Variants in UBE2J2 observed in about 807,000 individuals in gnomAD.
The protein encoded by UBE2J2 is ubiquitin-conjugating enzyme E2 J2.
A neutral mutation model predicts 28.6 loss-of-function variants in UBE2J2; 5 were observed. The observed-to-expected ratio is 0.17, with a 90% CI of 0.09 to 0.37. UBE2J2 has a LOEUF of 0.37. UBE2J2 is among the 10% of genes least tolerant of loss of function. The pLI is 1.00. For missense variants in UBE2J2, 226 were observed against 338.9 expected, an observed-to-expected ratio of 0.67 and a Z score of 2.62; for synonymous variants, 138 against 139.7, an observed-to-expected ratio of 0.99 and a Z score of 0.09.
chr1:1,263,715 A>T (rs1639689628), intron 2 of UBE2J2: 1 of 246,690 alleles, frequency 4.1e-6, no homozygotes, highest in Admixed American at 4.8e-5. Context: ...ACAGTACATT[A>T]CTAAGATGTA....
chr1:1,270,262 C>A (rs1398545825), intron 1 of UBE2J2, among the ~76,000 whole-genome samples: 1 of 152,190 alleles, frequency 6.6e-6, no homozygotes, highest in Non-Finnish European at 1.5e-5. Context: ...CTGTAGACAG[C>A]CACACATTCC....
intron 3 of UBE2J2, among the ~76,000 whole-genome samples, chr1:1,260,124 A>C (rs1324192287): frequency 1.3e-5 from 2 of 152,210 alleles, no homozygotes; most frequent in Non-Finnish European, 2.9e-5. Context: ...ACACGCAGGA[A>C]CAGGGGTGGA....
chr1:1,256,422 C>A, intron 5 of UBE2J2: 1 of 327,944 alleles, frequency 3.0e-6, no homozygotes, highest in Non-Finnish European at 5.7e-6. Flanking sequence ...CGCCTTGGCC[C>A]ACCCCAAGAT....
chr1:1,268,478 C>A lies in UBE2J2; in HGVS notation c.1-486G>T, dbSNP rs1639989376. Among the ~76,000 whole-genome samples, 1 of 152,124 alleles carries A rather than the reference C, an allele frequency of 6.6e-6. No homozygotes were observed. Among genetic ancestry groups the A allele is most frequent in the African/African-American group, 2.4e-5 (1 of 41,424 alleles). ...CCCGCTGCCCAGCATTTACCACTAG[C>A]CACAAGCAAAACGAGCCGCAGAACG... is the stretch of plus-strand genomic sequence containing the variant. On this transcript the variant is annotated intron_variant, in intron 1 of 6. Transcript: ENST00000349431. The surrounding 1 kb of genome is among the most constrained non-coding windows in gnomAD (Gnocchi z 4.7).
chr1:1,265,073 G>A (rs983087595), intron 2 of UBE2J2, among the ~76,000 whole-genome samples: 2 of 152,178 alleles, frequency 1.3e-5, no homozygotes, highest in African/African-American at 4.8e-5. Context: ...GTGGCCTTAC[G>A]TTGTTACTGT....
Position 1,254,113 on chromosome 1 carries a change from T to G in UBE2J2, c.*1090A>C, listed in dbSNP as rs1557543105. The G allele has an allele frequency of 1.3e-5, 2 of 152,166 alleles. No homozygotes were observed. The highest frequency in any genetic ancestry group is 2.9e-5 in the Non-Finnish European group (2 of 68,030). The allele number at this position is 152,166 out of a possible 1,614,324, so 9.4% of individuals were successfully genotyped here. On this transcript the variant is annotated 3_prime_UTR_variant, in exon 7 of 7. Coordinates refer to ENST00000349431, the MANE Select transcript of UBE2J2 (RefSeq NM_058167.3). Reference sequence around the variant, plus strand: ...GCGGCCGTGCCCCACCTCGACGCGATGCACCTGCGGTACATCCCACCCAGG... The same window carrying G: ...GCGGCCGTGCCCCACCTCGACGCGAGGCACCTGCGGTACATCCCACCCAGG...
chr1:1,261,587 AAAAC>A (rs1186866408), intron 3 of UBE2J2, among the ~76,000 whole-genome samples: 4 of 152,240 alleles, frequency 2.6e-5, no homozygotes, highest in African/African-American at 4.8e-5. Flanking sequence ...CTAAAACCAC[AAAAC>A]AAACAAAAAA....
chr1:1,256,745 G>C (rs1456125544), intron 5 of UBE2J2, among the ~76,000 whole-genome samples: 3 of 152,054 alleles, frequency 2.0e-5, no homozygotes, highest in Non-Finnish European at 4.4e-5. Flanking sequence ...AATTAGCCGG[G>C]CGTGGTGGCG....
At chr1:1,257,469 C>A (rs1012078557) in intron 3 of UBE2J2, among the ~76,000 whole-genome samples, 159 bp from the exon 4 acceptor site, 2 of 145,896 alleles carry the variant, frequency 1.4e-5, no homozygotes, top group Middle Eastern at 3.2e-3. Context: ...CAGGCTCAGT[C>A]CCCCACTGAC....
chr1:1,255,571 TCCA>T (rs1639126292), intron 6 of UBE2J2, 84 bp from the exon 7 acceptor site: 1 of 1,464,940 alleles, frequency 6.8e-7, no homozygotes, highest in Non-Finnish European at 9.2e-7. Flanking sequence ...GAGTCCACGG[TCCA>T]CCACCAAGAA....
intron 3 of UBE2J2, among the ~76,000 whole-genome samples, chr1:1,257,891 C>T (rs141136665): frequency 1.8e-4 from 28 of 152,198 alleles, no homozygotes; most frequent in African/African-American, 6.5e-4. Context: ...CTGACCTGAT[C>T]CCCTGGATTC....
chr1:1,271,902 A>G (rs547400639), intron 1 of UBE2J2, among the ~76,000 whole-genome samples: 1 of 138,524 alleles, frequency 7.2e-6, no homozygotes, highest in African/African-American at 2.7e-5. Flanking sequence ...TGAATCCAGG[A>G]GGTGGAGGCT....
At chr1:1,259,287 T>C (rs1334033949) in intron 3 of UBE2J2, among the ~76,000 whole-genome samples, 1 of 151,418 alleles carries the variant, frequency 6.6e-6, no homozygotes, top group Non-Finnish European at 1.5e-5. Context: ...GTGCATGCCA[T>C]CAGGACGCGT....
At position 1,254,295 on chromosome 1, in the gene UBE2J2, T is replaced by A. The variant is rs1315553355; in HGVS notation, c.*908A>T. The A allele has an allele frequency of 6.6e-6, 1 of 152,192 alleles. No homozygotes were observed. The highest frequency in any genetic ancestry group is 1.5e-5 in the Non-Finnish European group (1 of 68,026). The allele number at this position is 152,192 out of a possible 1,614,324, so 9.4% of individuals were successfully genotyped here. ...GAACACCCGGGCCGGAGCCATTACC[T>A]ACTGTGAAGGCCAGCGCAGGGGGCA... is the stretch of plus-strand genomic sequence containing the variant. On this transcript the variant is annotated 3_prime_UTR_variant, in exon 7 of 7. Transcript: ENST00000349431.
intron 2 of UBE2J2, among the ~76,000 whole-genome samples, chr1:1,263,849 C>T (rs1248747915): frequency 6.6e-6 from 1 of 151,800 alleles, no homozygotes; most frequent in South Asian, 2.1e-4. Flanking sequence ...AAAAGTTAGC[C>T]GGGTGTGGTA....
In UBE2J2 at chr1:1,267,923, T is replaced by C. The variant is rs1360690290; in HGVS notation, c.70A>G (p.Ile24Val). ...ATGTAAGGCACCGGGTCTTTCTTAA[T>C]GCGAAGGTAGTCCTGCTTCAGCCTC... is the stretch of plus-strand genomic sequence containing the variant. ...TQRLKQDYLR[I>V]KKDPVPYICA... is the part of the protein sequence containing the mutation. The change falls in exon 2 of 7, where the codon ATT becomes GTT. Residue 24 changes from isoleucine to valine, a missense_variant. By Grantham distance (29) the Ile-to-Val change is conservative (BLOSUM62 3). Around this residue, in one of 3 missense-constraint regions of UBE2J2, gnomAD observed 80 missense variants for 114.5 expected, o/e 0.70. Coordinates refer to ENST00000349431, the MANE Select transcript of UBE2J2 (RefSeq NM_058167.3). 3.1e-6 allele frequency: 5 copies of C among 1,613,984 alleles called. No individual in the cohort carries two copies. The highest frequency in any genetic ancestry group is 2.2e-5 in the East Asian group (1 of 44,886).
At chr1:1,263,609 T>C in intron 2 of UBE2J2, 1 of 471,756 alleles carries the variant, frequency 2.1e-6, no homozygotes. Flanking sequence ...GAGACTATAC[T>C]TTATAAGTTT....
At chr1:1,258,130 C>T (rs1160316031) in intron 3 of UBE2J2, among the ~76,000 whole-genome samples, 1 of 151,992 alleles carries the variant, frequency 6.6e-6, no homozygotes, top group Non-Finnish European at 1.5e-5. Flanking sequence ...ACCTCTGCCT[C>T]CCAGGTTCAA....
In UBE2J2 at chr1:1,257,150, T is replaced by A; in HGVS notation, c.276-20A>T. 6.2e-7 allele frequency: 1 copy of A among 1,608,558 alleles called. No homozygotes were observed. The highest frequency in any genetic ancestry group is 1.7e-5 in the Admixed American group (1 of 59,368). ...CACAGCCTGCAAAACGGGGGCCCCGTCAGTGCACACTCCCCACCGCAGCCA... is the reference window on the plus strand; with the variant it reads ...CACAGCCTGCAAAACGGGGGCCCCGACAGTGCACACTCCCCACCGCAGCCA... On this transcript the variant is annotated intron_variant, in intron 4 of 6. Transcript: ENST00000349431.
Sources: allele counts gnomAD v4.1 joint callset (sites outside exome capture counted in the v4.1 genomes callset), GRCh38; gene constraint gnomAD v4.1.1; regional missense constraint gnomAD v4.1.1; non-coding constraint Gnocchi (gnomAD v3.1); transcripts MANE v1.5; gene names NCBI Gene and HGNC (gene_info 2026-07-23, HGNC 2026-07-21).